The following PIK3CA variants were observed in gnomAD, a reference collection of about 807,000 sequenced individuals.
PIK3CA encodes phosphatidylinositol 4,5-bisphosphate 3-kinase catalytic subunit alpha isoform.
Under a neutral mutation model 138.2 loss-of-function variants are expected in PIK3CA, and 27 were observed. The observed-to-expected ratio is 0.20, with a 90% CI of 0.14 to 0.27. PIK3CA has a LOEUF of 0.27. PIK3CA is among the 10% of genes least tolerant of loss of function. The pLI, the probability that PIK3CA is intolerant of heterozygous loss-of-function variation, is 1.00. For missense variants in PIK3CA, 544 were observed against 1,277.4 expected, an observed-to-expected ratio of 0.43 and a Z score of 8.75; for synonymous variants, 358 against 413.2, an observed-to-expected ratio of 0.87 and a Z score of 1.62.
chr3:179,165,922 A>G (rs1348535797), intron 1 of PIK3CA, among the ~76,000 whole-genome samples: 1 of 151,884 alleles, frequency 6.6e-6, no homozygotes, highest in South Asian at 2.1e-4. Context: ...TCCCAGACTC[A>G]CTCTCCTAGA....
At chr3:179,221,860 AC>A (rs796260179) in intron 14 of PIK3CA, among the ~76,000 whole-genome samples, 21 of 151,784 alleles carry the variant, frequency 1.4e-4, no homozygotes, top group African/African-American at 4.8e-4. Context: ...GGAGCATGCC[AC>A]CACTTCCAGC....
chr3:179,159,934 G>T (rs778590489), intron 1 of PIK3CA, among the ~76,000 whole-genome samples: 1 of 152,014 alleles, frequency 6.6e-6, no homozygotes, highest in South Asian at 2.1e-4. Flanking sequence ...CATAGAAAAG[G>T]TACAGTAAAA....
chr3:179,207,235 G>A (rs546517033), intron 6 of PIK3CA, among the ~76,000 whole-genome samples: 55 of 152,206 alleles, frequency 3.6e-4, no homozygotes, highest in African/African-American at 1.2e-3. Flanking sequence ...TGATTTCTTT[G>A]TAAATGTTAC....
chr3:179,210,058 CA>C (rs1222328803), intron 7 of PIK3CA, 127 bp from the exon 8 acceptor site: 14 of 661,244 alleles, frequency 2.1e-5, no homozygotes, highest in African/African-American at 6.7e-5. Context: ...CTTGAAAAAT[CA>C]ATTTTTTTTT....
At chr3:179,203,915 C>T (rs895304000) in intron 5 of PIK3CA, 126 bp downstream of exon 5, 32 of 631,766 alleles carry the variant, frequency 5.1e-5, no homozygotes, top group South Asian at 4.2e-4. Flanking sequence ...TCCAAATCTC[C>T]GAATGTAAAA....
intron 6 of PIK3CA, among the ~76,000 whole-genome samples, chr3:179,206,308 C>T (rs1055437679): frequency 2.0e-5 from 3 of 152,070 alleles, no homozygotes; most frequent in Non-Finnish European, 4.4e-5. Context: ...TCCCACCCAC[C>T]TTGGCCTCCC....
chr3:179,181,340 C>T (rs1723841614), intron 1 of PIK3CA, among the ~76,000 whole-genome samples: 1 of 151,886 alleles, frequency 6.6e-6, no homozygotes, highest in Non-Finnish European at 1.5e-5. Flanking sequence ...ATGCTGTTCT[C>T]AGAATTTTGC....
intron 14 of PIK3CA, among the ~76,000 whole-genome samples, chr3:179,221,724 T>TC (rs1486458055): frequency 7.8e-6 from 1 of 128,084 alleles, no homozygotes; most frequent in Non-Finnish European, 1.6e-5. Context: ...TTTTTTTTTT[T>TC]TGAGACAGGG....
chr3:179,165,520 GC>G (rs1723396696), intron 1 of PIK3CA, among the ~76,000 whole-genome samples: 1 of 152,042 alleles, frequency 6.6e-6, no homozygotes, highest in Admixed American at 6.6e-5. Context: ...ACCTCCCAAA[GC>G]CTTAAGATTG....
intron 7 of PIK3CA, 135 bp from the exon 8 acceptor site, chr3:179,210,051 G>C: frequency 1.5e-6 from 1 of 648,288 alleles, no homozygotes; most frequent in South Asian, 2.3e-5. Flanking sequence ...CTTAAACCTT[G>C]AAAAATCAAT....
At chr3:179,161,422 C>T (rs975776140) in intron 1 of PIK3CA, among the ~76,000 whole-genome samples, 3 of 152,140 alleles carry the variant, frequency 2.0e-5, no homozygotes, top group Non-Finnish European at 2.9e-5. Context: ...AAGTGCTGGG[C>T]GTGGTGGCTC....
intron 1 of PIK3CA, among the ~76,000 whole-genome samples, chr3:179,183,026 T>A (rs1723887695): frequency 6.6e-6 from 1 of 152,222 alleles, no homozygotes; most frequent in Non-Finnish European, 1.5e-5. Flanking sequence ...GTGCTGAAAT[T>A]AAGCTACCCT....
At chr3:179,208,573 A>G (rs924785971) in intron 6 of PIK3CA, among the ~76,000 whole-genome samples, 44 of 152,096 alleles carry the variant, frequency 2.9e-4, no homozygotes, top group African/African-American at 1.0e-3. Context: ...CTGAGCCCAT[A>G]CTCTTTATCC....
chr3:179,221,479 T>G (rs527709506), intron 14 of PIK3CA, among the ~76,000 whole-genome samples: 19 of 152,186 alleles, frequency 1.2e-4, no homozygotes, highest in Non-Finnish European at 2.2e-4. Context: ...TTACTTTCCC[T>G]TCCTTTCTCT....
chr3:179,231,784 A>G (rs1017115979), intron 20 of PIK3CA, among the ~76,000 whole-genome samples: 11 of 151,992 alleles, frequency 7.2e-5, no homozygotes, highest in African/African-American at 2.7e-4. Context: ...CTGGGACTAC[A>G]GGCACATGCC....
intron 1 of PIK3CA, among the ~76,000 whole-genome samples, chr3:179,198,248 A>C (rs1724317535): frequency 6.6e-6 from 1 of 152,222 alleles, no homozygotes. Flanking sequence ...TCATTATTAC[A>C]GGTTGAGGGC....
At chr3:179,194,620 A>G (rs573088449) in intron 1 of PIK3CA, among the ~76,000 whole-genome samples, 2 of 152,230 alleles carry the variant, frequency 1.3e-5, no homozygotes, top group East Asian at 3.9e-4. Flanking sequence ...TCTTTGTCAC[A>G]TACTCCACCT....
At chr3:179,155,689 C>T (rs191949459) in intron 1 of PIK3CA, among the ~76,000 whole-genome samples, 273 of 152,264 alleles carry the variant, frequency 1.8e-3, no homozygotes, top group Non-Finnish European at 3.1e-3. Context: ...GGACTTGAAC[C>T]TCTATGGATT....
At chr3:179,216,571 T>A (rs1724841029) in intron 9 of PIK3CA, among the ~76,000 whole-genome samples, 1 of 152,146 alleles carries the variant, frequency 6.6e-6, no homozygotes, top group South Asian at 2.1e-4. Flanking sequence ...AGAGTAGAAA[T>A]GTTTTGTAAT....
Sources: gnomAD v4.1 joint callset for allele counts (sites outside exome capture counted in the v4.1 genomes callset) on GRCh38, gnomAD v4.1.1 for gene constraint, MANE v1.5 for transcripts, NCBI Gene and HGNC (gene_info 2026-07-23, HGNC 2026-07-21) for gene names.